NME7: variants seen among roughly 807,000 people sequenced by gnomAD.
The protein encoded by NME7 is nucleoside diphosphate kinase 7.
NME7 carries 41 observed loss-of-function variants against 49.1 expected under a neutral mutation model. The ratio of observed to expected loss-of-function variants is 0.83; its 90% CI spans 0.65 to 1.08. The LOEUF (loss-of-function observed/expected upper bound fraction) is 1.08, where lower values mean the gene tolerates loss of function less well. Among genes scored for constraint, NME7 ranks in the 50% least tolerant of loss-of-function variants. NME7 has a pLI of 0.00. For missense variants in NME7, 423 were observed against 463.4 expected, an observed-to-expected ratio of 0.91 and a Z score of 0.80; for synonymous variants, 139 against 150.6, an observed-to-expected ratio of 0.92 and a Z score of 0.56.
chr1:169,320,307 T>G (rs1187341240), intron 3 of NME7, among the ~76,000 whole-genome samples: 1 of 152,202 alleles, frequency 6.6e-6, no homozygotes, highest in Non-Finnish European at 1.5e-5. Flanking sequence ...GTCAGATTTC[T>G]ACAGTCAAAG....
At chr1:169,254,391 T>G (rs1444078019) in intron 7 of NME7, among the ~76,000 whole-genome samples, 4 of 152,080 alleles carry the variant, frequency 2.6e-5, no homozygotes, top group African/African-American at 9.7e-5. Context: ...TTTGTATTTC[T>G]GTGGGATTGG....
At chr1:169,337,985 AAGAC>A (rs1571401140) in intron 1 of NME7, among the ~76,000 whole-genome samples, 1 of 152,192 alleles carries the variant, frequency 6.6e-6, no homozygotes, top group East Asian at 1.9e-4. Context: ...CTATCTTGTA[AAGAC>A]AGACAGAAGG....
intron 10 of NME7, among the ~76,000 whole-genome samples, chr1:169,189,069 T>C (rs1354143232): frequency 1.3e-5 from 2 of 152,210 alleles, no homozygotes; most frequent in African/African-American, 4.8e-5. Context: ...TTTTATTGTT[T>C]AGAGCCTCAT....
chr1:169,353,164 C>A (rs1197033617), intron 1 of NME7, among the ~76,000 whole-genome samples: 1 of 151,966 alleles, frequency 6.6e-6, no homozygotes, highest in Non-Finnish European at 1.5e-5. Flanking sequence ...GCTATAGTAA[C>A]CAAAACAGCG....
intron 10 of NME7, among the ~76,000 whole-genome samples, chr1:169,212,371 T>C (rs142479880): frequency 6.6e-6 from 1 of 152,224 alleles, no homozygotes; most frequent in East Asian, 1.9e-4. Flanking sequence ...CAATCCCCAC[T>C]GTTTGTGGAT....
intron 10 of NME7, chr1:169,190,605 A>G: frequency 7.0e-6 from 3 of 426,274 alleles, no homozygotes; most frequent in Non-Finnish European, 1.4e-5. Flanking sequence ...TGTTATTTTT[A>G]TAACTTACAT....
At chr1:169,333,497 C>A (rs1652339291) in intron 1 of NME7, among the ~76,000 whole-genome samples, 1 of 152,022 alleles carries the variant, frequency 6.6e-6, no homozygotes, top group Non-Finnish European at 1.5e-5. Context: ...AAAAGGATAT[C>A]AAAAGGATAA....
chr1:169,251,547 CTTT>C (rs36096137), intron 7 of NME7, among the ~76,000 whole-genome samples: 4 of 123,988 alleles, frequency 3.2e-5, no homozygotes, highest in African/African-American at 6.2e-5. Context: ...ACTCTGGTTT[CTTT>C]TTTTTTTTTT....
At chr1:169,282,898 G>A (rs1484181768) in intron 7 of NME7, among the ~76,000 whole-genome samples, 1 of 152,164 alleles carries the variant, frequency 6.6e-6, no homozygotes, top group Non-Finnish European at 1.5e-5. Flanking sequence ...AGTGTGATGA[G>A]GTGCTGAGAA....
intron 1 of NME7, among the ~76,000 whole-genome samples, chr1:169,345,239 C>A (rs1022095515): frequency 3.5e-5 from 5 of 142,514 alleles, no homozygotes; most frequent in Non-Finnish European, 7.8e-5. Flanking sequence ...GTCAGTCTAA[C>A]CAAAGTTTTG....
At chr1:169,241,563 A>G (rs1166903798) in intron 7 of NME7, among the ~76,000 whole-genome samples, 2 of 151,968 alleles carry the variant, frequency 1.3e-5, no homozygotes, top group Non-Finnish European at 2.9e-5. Flanking sequence ...ATCTATATCT[A>G]TTACAAATTC....
At chr1:169,207,371 A>G (rs1378694890) in intron 10 of NME7, among the ~76,000 whole-genome samples, 2 of 152,082 alleles carry the variant, frequency 1.3e-5, no homozygotes, top group Non-Finnish European at 2.9e-5. Context: ...TCACATTTCA[A>G]TATGAGATTT....
At chr1:169,220,564 T>C (rs1433614165) in intron 10 of NME7, among the ~76,000 whole-genome samples, 3 of 152,182 alleles carry the variant, frequency 2.0e-5, no homozygotes, top group Non-Finnish European at 2.9e-5. Flanking sequence ...AAACACATGA[T>C]CATTTTCTCC....
intron 7 of NME7, chr1:169,285,499 T>C (rs530917496): frequency 6.6e-6 from 1 of 152,260 alleles, no homozygotes; most frequent in African/African-American, 2.4e-5. Context: ...TGTGACTTTT[T>C]TGTGGCTATT....
intron 1 of NME7, among the ~76,000 whole-genome samples, chr1:169,350,241 A>AAGGAAG (rs1553196985): frequency 0.028 from 104 of 3,708 alleles, no homozygotes; most frequent in Admixed American, 0.067. Flanking sequence ...AAAGAAAGAA[A>AAGGAAG]GAAAGAAGGA....
intron 7 of NME7, among the ~76,000 whole-genome samples, chr1:169,254,302 G>A (rs1648790857): frequency 1.3e-5 from 2 of 152,066 alleles, no homozygotes; most frequent in East Asian, 3.9e-4. Flanking sequence ...GAGAGTGTAT[G>A]TGTCGAGGAA....
At chr1:169,157,573 C>G (rs919627968) in intron 11 of NME7, among the ~76,000 whole-genome samples, 13 of 152,302 alleles carry the variant, frequency 8.5e-5, no homozygotes, top group Middle Eastern at 3.4e-3. Flanking sequence ...AGACTTCCCC[C>G]CAAAAAATCT....
chr1:169,210,884 C>T (rs1660793743), intron 10 of NME7, among the ~76,000 whole-genome samples: 1 of 152,238 alleles, frequency 6.6e-6, no homozygotes, highest in African/African-American at 2.4e-5. Flanking sequence ...GCTTCCTTCC[C>T]CTTTGTTTGC....
chr1:169,329,273 T>C (rs1254959097), intron 1 of NME7, among the ~76,000 whole-genome samples: 1 of 152,024 alleles, frequency 6.6e-6, no homozygotes, highest in East Asian at 1.9e-4. Flanking sequence ...TTCAACTTCC[T>C]TGTTCCTAAA....
Sources: gnomAD v4.1 joint callset for allele counts (sites outside exome capture counted in the v4.1 genomes callset) on GRCh38, gnomAD v4.1.1 for gene constraint, MANE v1.5 for transcripts, NCBI Gene and HGNC (gene_info 2026-07-23, HGNC 2026-07-21) for gene names.